DAB1: variants seen among roughly 807,000 people sequenced by gnomAD.
DAB1 encodes the protein DAB adaptor protein 1, also known as disabled homolog 1.
DAB1 carries 15 observed loss-of-function variants against 64.6 expected under a neutral mutation model. The ratio of observed to expected loss-of-function variants is 0.23; its 90% CI spans 0.16 to 0.36. DAB1 has a LOEUF of 0.36. Among genes scored for constraint, DAB1 ranks in the 10% least tolerant of loss-of-function variants. The probability of loss-of-function intolerance (pLI) is 1.00; values close to 1 mark genes in which losing one functional copy is unlikely to be tolerated. For synonymous variants in DAB1, 235 were observed against 251.9 expected (o/e 0.93, Z 0.64); for missense variants, 596 against 706.7 (o/e 0.84, Z 1.78).
At chr1:57,614,606 T>C (rs1342537744) in intron 7 of DAB1, among the ~76,000 whole-genome samples, 2 of 152,216 alleles carry the variant, frequency 1.3e-5, no homozygotes, top group Non-Finnish European at 2.9e-5. Flanking sequence ...TACAGTCTTC[T>C]TTCCTTATGA....
chr1:57,437,825 T>C (rs1438829299), intron 7 of DAB1, among the ~76,000 whole-genome samples: 2 of 152,194 alleles, frequency 1.3e-5, no homozygotes, highest in East Asian at 3.9e-4. Flanking sequence ...CCCAGTATGT[T>C]TTTAACAATC....
chr1:57,606,999 C>T (rs1329974986), intron 7 of DAB1, among the ~76,000 whole-genome samples: 1 of 151,616 alleles, frequency 6.6e-6, no homozygotes, highest in African/African-American at 2.4e-5. Context: ...TTTGGCCAGG[C>T]TGGTCTCGAA....
At chr1:57,926,529 C>A (rs1357800121) in intron 5 of DAB1, among the ~76,000 whole-genome samples, 1 of 152,184 alleles carries the variant, frequency 6.6e-6, no homozygotes, top group Non-Finnish European at 1.5e-5. Flanking sequence ...CCTAGCCCAA[C>A]TCTGTGACAT....
chr1:58,373,065 T>C (rs1489703116), intron 3 of DAB1, among the ~76,000 whole-genome samples: 1 of 152,174 alleles, frequency 6.6e-6, no homozygotes, highest in African/African-American at 2.4e-5. Context: ...GGAGTATTTC[T>C]TACTACTTTT....
At chr1:57,577,685 G>T (rs1179312076) in intron 7 of DAB1, among the ~76,000 whole-genome samples, 6 of 152,130 alleles carry the variant, frequency 3.9e-5, no homozygotes, top group African/African-American at 1.4e-4. Context: ...AGGGGGAGGG[G>T]TGGCTGTTAA....
intron 9 of DAB1, among the ~76,000 whole-genome samples, chr1:57,052,756 G>A (rs1649317776): frequency 1.3e-5 from 2 of 152,142 alleles, no homozygotes; most frequent in Non-Finnish European, 2.9e-5. Flanking sequence ...TCCCCTTCAC[G>A]ATATAGGAAT....
chr1:58,448,582 G>C lies in DAB1; in HGVS notation n.257+57478C>G, dbSNP rs184562452. ...AAGATGGGGGGCTGGCCCTGGTGTT[G>C]AGTTTGCAGGTGAAGGAGCTCCAAT... On this transcript the variant is annotated intron_variant and non_coding_transcript_variant, in intron 3 of 20. Transcript: ENST00000485760. 2.3e-3 allele frequency among the ~76,000 whole-genome samples: 344 copies of C among 152,316 alleles called. 2 individuals carry two copies. Among genetic ancestry groups the C allele is most frequent in the African/African-American group, 8.0e-3 (331 of 41,574 alleles).
chr1:58,187,875 G>GTT (rs763996304), intron 4 of DAB1, among the ~76,000 whole-genome samples: 5 of 111,338 alleles, frequency 4.5e-5, no homozygotes, highest in African/African-American at 1.3e-4. Flanking sequence ...CACCTGGCCT[G>GTT]TTTTTTTTTT....
At chr1:57,287,512 C>G (rs1260038802) in intron 2 of DAB1, among the ~76,000 whole-genome samples, 1 of 152,094 alleles carries the variant, frequency 6.6e-6, no homozygotes, top group Non-Finnish European at 1.5e-5. Flanking sequence ...GAAGTAAGTA[C>G]TTAAAGATTG....
At chr1:57,346,013 A>C (rs1678050669) in intron 1 of DAB1, among the ~76,000 whole-genome samples, 1 of 152,202 alleles carries the variant, frequency 6.6e-6, no homozygotes, top group Non-Finnish European at 1.5e-5. Context: ...TTAAAAACGA[A>C]AACCCTGAGA....
intron 6 of DAB1, among the ~76,000 whole-genome samples, chr1:57,670,988 A>G (rs986301022): frequency 2.0e-5 from 3 of 152,188 alleles, no homozygotes; most frequent in African/African-American, 7.2e-5. Flanking sequence ...TAGATCATTT[A>G]TAATACCTAA....
intron 7 of DAB1, among the ~76,000 whole-genome samples, chr1:57,567,774 A>G (rs1337090853): frequency 6.6e-6 from 1 of 152,232 alleles, no homozygotes; most frequent in Non-Finnish European, 1.5e-5. Context: ...ACGAAATAAA[A>G]GAGGACACAA....
chr1:57,996,968 A>G (rs1646434996), intron 5 of DAB1, among the ~76,000 whole-genome samples: 1 of 151,942 alleles, frequency 6.6e-6, no homozygotes, highest in Non-Finnish European at 1.5e-5. Context: ...ATCCGCCTCC[A>G]CCCCACTGCC....
chr1:57,181,873 GT>G (rs1662972522), intron 2 of DAB1, among the ~76,000 whole-genome samples: 1 of 151,998 alleles, frequency 6.6e-6, no homozygotes, highest in African/African-American at 2.4e-5. Flanking sequence ...TGCAAGTGAA[GT>G]TTTTTGTTTT....
chr1:58,148,079 T>C (rs1283688197), intron 5 of DAB1, among the ~76,000 whole-genome samples: 2 of 151,772 alleles, frequency 1.3e-5, no homozygotes, highest in Non-Finnish European at 2.9e-5. Flanking sequence ...AGGGAAAGTA[T>C]TGAGGAGTCA....
At chr1:57,599,489 C>T (rs1645551258) in intron 7 of DAB1, among the ~76,000 whole-genome samples, 1 of 151,982 alleles carries the variant, frequency 6.6e-6, no homozygotes, top group East Asian at 2.0e-4. Context: ...CACAGCTCTC[C>T]CCACGTGGGA....
At chr1:58,073,671 G>C (rs968260975) in intron 5 of DAB1, among the ~76,000 whole-genome samples, 4 of 152,166 alleles carry the variant, frequency 2.6e-5, no homozygotes, top group South Asian at 2.1e-4. Context: ...ATTCTAACTA[G>C]GGAATTTTAA....
intron 3 of DAB1, among the ~76,000 whole-genome samples, chr1:58,350,811 T>A (rs1311904662): frequency 6.6e-6 from 1 of 152,194 alleles, no homozygotes; most frequent in South Asian, 2.1e-4. Flanking sequence ...GTTCTATTGG[T>A]CTATATAACT....
rs187565397 is a variant in DAB1 at position 58,051,414 on chromosome 1, T to A, written n.387+99097A>T. 2.6e-5 allele frequency among the ~76,000 whole-genome samples: 4 copies of A among 152,280 alleles called. No homozygotes were observed. The East Asian group carries it at 7.7e-4, about 29-fold the overall frequency. ...TATGGCTGCATAGTATTCCATGGTG[T>A]ATATGTGCCAATTTTCTTAATCCAG... On this transcript the variant is annotated intron_variant and non_coding_transcript_variant, in intron 5 of 20. Transcript: ENST00000485760.
Sources: allele counts gnomAD v4.1 joint callset (sites outside exome capture counted in the v4.1 genomes callset), GRCh38; gene constraint gnomAD v4.1.1; transcripts MANE v1.5; gene names NCBI Gene and HGNC (gene_info 2026-07-23, HGNC 2026-07-21).